Variants in BICRA observed in about 807,000 individuals in gnomAD.
The protein encoded by BICRA is BRD4-interacting chromatin-remodeling complex-associated protein.
In BICRA, 31 loss-of-function variants were observed where a neutral mutation model predicts 96.9. That is an observed-to-expected ratio of 0.32 (90% confidence interval 0.24 to 0.43). The LOEUF is 0.43. Among genes scored for constraint, BICRA ranks in the 20% least tolerant of loss-of-function variants. The pLI, the probability that BICRA is intolerant of heterozygous loss-of-function variation, is 1.00. For synonymous variants in BICRA, 1,350 were observed against 1,071.8 expected (o/e 1.26, Z -5.07); for missense variants, 2,283 against 2,190.3 (o/e 1.04, Z -0.84).
At chr19:47,652,119 G>A (rs10411628) in intron 1 of BICRA, among the ~76,000 whole-genome samples, 3,198 of 152,276 alleles carry the variant, frequency 0.021, 93 homozygotes, top group African/African-American at 0.069. Context: ...GAAAAATAGG[G>A]GAGTGATTAG....
At chr19:47,648,256 T>C (rs923521162) in intron 1 of BICRA, among the ~76,000 whole-genome samples, 1 of 151,558 alleles carries the variant, frequency 6.6e-6, no homozygotes, top group African/African-American at 2.4e-5. Flanking sequence ...CCCTTTCACC[T>C]CCTCTCCCGC....
chr19:47,625,956 T>A (rs148127468), intron 1 of BICRA, among the ~76,000 whole-genome samples: 2 of 152,096 alleles, frequency 1.3e-5, no homozygotes, highest in African/African-American at 2.4e-5. Flanking sequence ...CTGGGTCTTA[T>A]GAGCAAATGG....
At chr19:47,671,449 G>A (rs952721910) in intron 2 of BICRA, among the ~76,000 whole-genome samples, 4 of 152,224 alleles carry the variant, frequency 2.6e-5, no homozygotes, top group African/African-American at 9.6e-5. Flanking sequence ...ACGGTCCTGA[G>A]CTGTAAATTC....
chr19:47,699,080 C>T lies in BICRA; in HGVS notation c.3492+21C>T. 6.8e-7 allele frequency: 1 copy of T among 1,462,118 alleles called. No individual in the cohort carries two copies. The highest frequency in any genetic ancestry group is 2.5e-5 in the East Asian group (1 of 40,652). The allele number at this position is 1,462,118 out of a possible 1,614,324, so 90.6% of individuals were successfully genotyped here. A position where few individuals can be genotyped will look rare whatever the true frequency, so the allele number is the denominator to read the frequency against. On this transcript the variant is annotated intron_variant, in intron 13 of 14. Transcript: ENST00000594866. The surrounding 1 kb of genome is among the most constrained non-coding windows in gnomAD (Gnocchi z 5.0). ...CCCGGGTAGGGTCAGAGTCGCCTTC[C>T]TCGCCTCTGGGCTCCTCCTCGCTGG...
At position 47,694,995 on chromosome 19, in the gene BICRA, G is replaced by A. The variant is rs764233703; in HGVS notation, c.2991G>A (p.Ala997=). The change falls in exon 9 of 15, where the codon GCG becomes GCA. Residue 997 remains alanine (A), a synonymous_variant. Transcript: ENST00000594866. ...TSLGPLTSPA[A]SVLVSGQAPS... ...TGGGGCCCCTCACCAGCCCCGCTGCGTCTGTGCTGGTCAGTGGGCAGGCCC... is the reference window on the plus strand; with the variant it reads ...TGGGGCCCCTCACCAGCCCCGCTGCATCTGTGCTGGTCAGTGGGCAGGCCC... 8 of 1,540,782 alleles carry A rather than the reference G, an allele frequency of 5.2e-6. No homozygotes were observed. The highest frequency in any genetic ancestry group is 2.8e-5 in the African/African-American group (2 of 71,854).
In BICRA at chr19:47,701,919, G is replaced by A; in HGVS notation, c.4187G>A (p.Gly1396Glu). The A allele has an allele frequency of 7.0e-7, 1 of 1,435,650 alleles. No individual in the cohort carries two copies. The highest frequency in any genetic ancestry group is 1.4e-5 in the South Asian group (1 of 72,366). 88.9% of individuals were successfully genotyped at this position (1,435,650 alleles called of 1,614,324 possible). Residue 1396 changes from glycine (G) to glutamate (E), a missense_variant, in exon 15 of 15, where the codon GGG (glycine) becomes GAG (glutamate). By Grantham distance (98) the Gly-to-Glu change is moderately conservative. Transcript: ENST00000594866. This position sits in a 1 kb window ranked among gnomAD's most constrained non-coding sequence, Gnocchi z 5.4. Reference sequence around the variant, plus strand: ...CGCAAGACCTACCGCGAGAACGTGGGGGGCCCTGGCGCGCCGGAGGGGACG... The same window carrying A: ...CGCAAGACCTACCGCGAGAACGTGGAGGGCCCTGGCGCGCCGGAGGGGACG... ...PLRKTYRENV[G>E]GPGAPEGTPA...
rs1973314786 is a variant in BICRA at position 47,695,084 on chromosome 19, G to A, written c.3076+4G>A. ...CCGGCACCCATGGCCGCCACAGGTA[G>A]GAGAGAGGTCGCCTATGTGCCCAGG... On this transcript the variant is annotated splice_donor_region_variant and intron_variant, in intron 9 of 14. Transcript: ENST00000594866. The A allele has an allele frequency of 2.7e-6, 4 of 1,490,330 alleles. No individual in the cohort carries two copies. Among genetic ancestry groups the A allele is most frequent in the African/African-American group, 2.8e-5 (2 of 70,250 alleles). The allele number at this position is 1,490,330 out of a possible 1,614,324, so 92.3% of individuals were successfully genotyped here. A position where few individuals can be genotyped will look rare whatever the true frequency, so the allele number is the denominator to read the frequency against.
chr19:47,702,186 C>T lies in BICRA; in HGVS notation c.4454C>T (p.Ala1485Val). ...TCCGAGTCGCCCGACGTGGACCAGGCCAGCTTCTCCAGCGACAGCCCGCAG... is the reference window on the plus strand; with the variant it reads ...TCCGAGTCGCCCGACGTGGACCAGGTCAGCTTCTCCAGCGACAGCCCGCAG... ...RKSESPDVDQ[A>V]SFSSDSPQDD... Residue 1485 changes from alanine (A) to valine (V), a missense_variant, in exon 15 of 15, where the codon GCC (alanine) becomes GTC (valine). Physicochemically the swap from Ala to Val is moderately conservative, Grantham distance 64. Coordinates refer to ENST00000594866, the MANE Select transcript of BICRA (RefSeq NM_001394372.1). The T allele has an allele frequency of 3.8e-6, 6 of 1,589,204 alleles. No homozygotes were observed. Among genetic ancestry groups the T allele is most frequent in the Non-Finnish European group, 5.1e-6 (6 of 1,173,844 alleles).
At position 47,647,722 on chromosome 19, in the gene BICRA, C is replaced by A. The variant is rs575659545; in HGVS notation, c.-107-22721C>A. ...TCTGTTGCTGGTTTTAGTCTTTAAC[C>A]CTTGCTCTGTGGACTTGAGAAATGT... On this transcript the variant is annotated intron_variant, in intron 1 of 14. Coordinates refer to ENST00000594866, the MANE Select transcript of BICRA (RefSeq NM_001394372.1). Among the ~76,000 whole-genome samples the A allele has an allele frequency of 2.7e-3, 405 of 152,106 alleles. 1 individual carries two copies. The highest frequency in any genetic ancestry group is 6.4e-3 in the Admixed American group (97 of 15,260).
intron 7 of BICRA, among the ~76,000 whole-genome samples, chr19:47,685,823 T>C (rs1449452975): frequency 1.3e-5 from 2 of 151,046 alleles, no homozygotes; most frequent in African/African-American, 4.9e-5. Context: ...TCCCTTTGTG[T>C]TAACACAAAC....
intron 1 of BICRA, among the ~76,000 whole-genome samples, chr19:47,654,073 G>A (rs1320931152): frequency 6.6e-6 from 1 of 152,146 alleles, no homozygotes; most frequent in Admixed American, 6.5e-5. Flanking sequence ...GCTGGGCCAC[G>A]TGGCAACTCT....
intron 10 of BICRA, among the ~76,000 whole-genome samples, chr19:47,695,808 CA>C (rs1476665187): frequency 6.6e-6 from 1 of 151,820 alleles, no homozygotes; most frequent in Non-Finnish European, 1.5e-5. Context: ...GATGTGAGCT[CA>C]GGACAGGAAA....
chr19:47,683,778 G>A (rs879453280), intron 7 of BICRA, among the ~76,000 whole-genome samples: 4 of 152,126 alleles, frequency 2.6e-5, no homozygotes, highest in Admixed American at 2.6e-4. Flanking sequence ...TAGAGACGGG[G>A]TTTCACCATG....
At chr19:47,667,560 G>GCA (rs1360313169) in intron 1 of BICRA, among the ~76,000 whole-genome samples, 1 of 152,132 alleles carries the variant, frequency 6.6e-6, no homozygotes, top group Non-Finnish European at 1.5e-5. Flanking sequence ...GGGAGCTCGT[G>GCA]CACACCTTCA....
intron 1 of BICRA, among the ~76,000 whole-genome samples, chr19:47,666,185 C>T (rs2123566855): frequency 6.6e-6 from 1 of 152,322 alleles, no homozygotes; most frequent in South Asian, 2.1e-4. Context: ...AGTGGCAGCC[C>T]AGGGATGGGA....
At chr19:47,612,664 G>A (rs936646227) in intron 1 of BICRA, among the ~76,000 whole-genome samples, 10 of 151,852 alleles carry the variant, frequency 6.6e-5, no homozygotes, top group African/African-American at 1.7e-4. Context: ...AGAGGGGCTG[G>A]ACCCAGCTCA....
chr19:47,629,117 T>G (rs776306977), intron 1 of BICRA, among the ~76,000 whole-genome samples: 1 of 152,186 alleles, frequency 6.6e-6, no homozygotes, highest in Non-Finnish European at 1.5e-5. Context: ...TTCTCCTGCC[T>G]CAGCCTCCCA....
intron 1 of BICRA, among the ~76,000 whole-genome samples, chr19:47,656,148 G>C (rs1001848598): frequency 2.6e-5 from 4 of 151,368 alleles, no homozygotes. Context: ...TTAGCCAAGC[G>C]TGATGGCGCA....
At chr19:47,681,892 GTCA>G (rs1391700716) in intron 6 of BICRA, 81 bp from the exon 7 acceptor site, 2 of 965,252 alleles carry the variant, frequency 2.1e-6, no homozygotes, top group Non-Finnish European at 3.0e-6. Flanking sequence ...CCCTGGGAGC[GTCA>G]ATAGGGGCAG....
Sources: gnomAD v4.1 joint callset for allele counts (sites outside exome capture counted in the v4.1 genomes callset) on GRCh38, gnomAD v4.1.1 for gene constraint, Gnocchi (gnomAD v3.1) non-coding constraint, MANE v1.5 for transcripts, NCBI Gene and HGNC (gene_info 2026-07-23, HGNC 2026-07-21) for gene names.